Variants in ZNF320 observed in about 807,000 individuals in gnomAD.
ZNF320 encodes the protein zinc finger gene 320.
A neutral mutation model predicts 6.8 loss-of-function variants in ZNF320; 2 were observed. The observed-to-expected ratio is 0.29, with a 90% CI of 0.12 to 0.93. ZNF320 has a LOEUF of 0.93. ZNF320 is among the 40% of genes least tolerant of loss of function. The pLI is 0.55. For synonymous variants in ZNF320, 208 were observed against 203.2 expected, an observed-to-expected ratio of 1.02 and a Z score of -0.20; for missense variants, 472 against 611.0, an observed-to-expected ratio of 0.77 and a Z score of 2.40.
At chr19:52,893,566 G>T (rs1274021647) in intron 2 of ZNF320, 3 of 152,114 alleles carry the variant, frequency 2.0e-5, no homozygotes, top group Non-Finnish European at 2.9e-5. Context: ...AGAATCACTT[G>T]AACTCGGGAG....
rs2064278975 is a variant in ZNF320, at chr19:52,891,232, T to C, written c.-77A>G. The C allele has an allele frequency of 6.6e-6, 1 of 152,034 alleles. No homozygotes were observed. The highest frequency in any genetic ancestry group is 1.9e-4 in the East Asian group (1 of 5,190). The allele number at this position is 152,034 out of a possible 1,614,324, so 9.4% of individuals were successfully genotyped here. ...TATGGTGGCGGGTGGCACGCACCTG[T>C]ATCTCAGCTACTTGGTAGGCTGAGG... On this transcript the variant is annotated 5_prime_UTR_variant, in exon 3 of 6. In the 5' UTR this introduces an upstream ATG that the reference lacks. Coordinates refer to ENST00000682928, the MANE Select transcript of ZNF320 (RefSeq NM_001351774.2).
At chr19:52,863,320 C>T (rs181608608) in exon 6 of ZNF320, among the ~76,000 whole-genome samples, 57 of 152,238 alleles carry the variant, frequency 3.7e-4, no homozygotes, top group African/African-American at 1.3e-3. Context: ...ATGGGAAGGT[C>T]GGGCATGGTG....
At chr19:52,869,274 G>A (rs563666499) in intron 5 of ZNF320, among the ~76,000 whole-genome samples, 1 of 152,294 alleles carries the variant, frequency 6.6e-6, no homozygotes, top group Admixed American at 6.5e-5. Flanking sequence ...GGTGGCCTAA[G>A]GTGAAAGCAG....
upstream of ZNF320, among the ~76,000 whole-genome samples, chr19:52,902,676 G>A (rs1175966401): frequency 6.6e-6 from 1 of 152,110 alleles, no homozygotes; most frequent in Non-Finnish European, 1.5e-5. Context: ...TACCAGATAA[G>A]CTAAATTTTA....
At chr19:52,901,297 C>G (rs1277769561), upstream of ZNF320, among the ~76,000 whole-genome samples, 2 of 152,120 alleles carry the variant, frequency 1.3e-5, no homozygotes, top group African/African-American at 4.8e-5. Flanking sequence ...ATACTGGAAA[C>G]AGTTCTTTGT....
downstream of ZNF320, among the ~76,000 whole-genome samples, chr19:52,875,308 G>A (rs1452681881): frequency 6.6e-6 from 1 of 152,178 alleles, no homozygotes; most frequent in Admixed American, 6.6e-5. Flanking sequence ...TCCCAGCAGA[G>A]AGCTGAGGAG....
chr19:52,898,463 C>T (rs1002566328), upstream of ZNF320, among the ~76,000 whole-genome samples: 3 of 152,178 alleles, frequency 2.0e-5, no homozygotes, highest in African/African-American at 7.2e-5. Context: ...CCCAGAGCTC[C>T]TTCCTCCGCC....
chr19:52,861,004 AAAAC>A (rs142015174), exon 6 of ZNF320, among the ~76,000 whole-genome samples: 63,511 of 150,406 alleles, frequency 0.42, 13,557 homozygotes, highest in South Asian at 0.47. Flanking sequence ...GATTCCGTCA[AAAAC>A]AAACAAACAA....
chr19:52,866,495 G>C (rs2063575199), intron 5 of ZNF320, among the ~76,000 whole-genome samples: 1 of 151,968 alleles, frequency 6.6e-6, no homozygotes, highest in African/African-American at 2.4e-5. Context: ...GCTCCAAGGA[G>C]GATGAAAAAC....
rs986536208 is a variant in ZNF320, at chr19:52,878,050, C to T, written c.*2546G>A. ...TACATTCTCAATAAAACATGTCCAACTCTCCAGATAGTGGTGACATTTTCA... is the reference window on the plus strand; with the variant it reads ...TACATTCTCAATAAAACATGTCCAATTCTCCAGATAGTGGTGACATTTTCA... On this transcript the variant is annotated 3_prime_UTR_variant, in exon 6 of 6. Coordinates refer to ENST00000682928, the MANE Select transcript of ZNF320 (RefSeq NM_001351774.2). The T allele has an allele frequency of 1.7e-5, 3 of 172,896 alleles. No individual in the cohort carries two copies. The highest frequency in any genetic ancestry group is 3.8e-5 in the Non-Finnish European group (3 of 78,368). The allele number at this position is 172,896 out of a possible 1,614,324, so 10.7% of individuals were successfully genotyped here.
chr19:52,881,275 C>T lies in ZNF320; in HGVS notation c.851G>A (p.Arg284Gln), dbSNP rs767983454. Residue 284 changes from arginine to glutamine, a missense_variant, in exon 6 of 6, where the codon CGA (arginine) becomes CAA (glutamine). Arg to Gln is a conservative substitution (Grantham distance 43). This residue lies in a region of ZNF320 where 462 missense variants were observed against 559.7 expected (regional missense o/e 0.83). Coordinates refer to ENST00000682928, the MANE Select transcript of ZNF320 (RefSeq NM_001351774.2). ...KCNECGKTFA[R>Q]NSVLVIHKAV... ...CTTATGAATTACGAGGACTGAATTTCGAGCGAAGGTCTTGCCACACTCATT... is the reference window on the plus strand; with the variant it reads ...CTTATGAATTACGAGGACTGAATTTTGAGCGAAGGTCTTGCCACACTCATT... 30 of 1,613,746 alleles carry T rather than the reference C, an allele frequency of 1.9e-5. No individual in the cohort carries two copies. Among genetic ancestry groups the T allele is most frequent in the African/African-American group, 2.7e-5 (2 of 74,788 alleles).
chr19:52,865,903 GATTAT>G (rs1568693589), intron 5 of ZNF320, among the ~76,000 whole-genome samples: 6 of 55,902 alleles, frequency 1.1e-4, no homozygotes, highest in Non-Finnish European at 1.8e-4. Context: ...TTATATATAT[GATTAT>G]ACACATATAT....
chr19:52,868,255 C>T (rs1038034858), intron 5 of ZNF320, among the ~76,000 whole-genome samples: 4 of 151,922 alleles, frequency 2.6e-5, no homozygotes, highest in Non-Finnish European at 5.9e-5. Flanking sequence ...GCTTGTAATC[C>T]CAACACTTTG....
At position 52,865,468 on chromosome 19, in the gene ZNF320, T is replaced by TTAC. The variant is rs1568692679; in HGVS notation, c.224-1310_224-1309insGTA. Reference sequence around the variant, plus strand: ...TATATATATGTAATACATATATATATATTACATATATATATAATACATATA... The same window carrying TTAC: ...TATATATATGTAATACATATATATATTACATTACATATATATATAATACATATA... On this transcript the variant is annotated intron_variant, in intron 5 of 5. Coordinates refer to the ZNF320 transcript ENST00000673631. 84 of 42,208 alleles carry TTAC rather than the reference T, an allele frequency of 2.0e-3. 4 individuals carry two copies. The highest frequency in any genetic ancestry group is 7.4e-3 in the African/African-American group (81 of 11,020). 2.6% of individuals were successfully genotyped at this position (42,208 alleles called of 1,614,324 possible).
In ZNF320 at chr19:52,890,309, A is replaced by G. The variant is rs1287229207; in HGVS notation, c.-54T>C. 11 of 1,589,844 alleles carry G rather than the reference A, an allele frequency of 6.9e-6. No homozygotes were observed. The East Asian group carries it at 2.2e-4, about 32-fold the overall frequency. ...TTCTGGGTTTCTTCCTCAGGTACCAAGAGTCTTTAGAAGTCAATCCTAAAT... is the reference window on the plus strand; with the variant it reads ...TTCTGGGTTTCTTCCTCAGGTACCAGGAGTCTTTAGAAGTCAATCCTAAAT... On this transcript the variant is annotated 5_prime_UTR_variant, in exon 4 of 6. Coordinates refer to ENST00000682928, the MANE Select transcript of ZNF320 (RefSeq NM_001351774.2).
rs1333199494 is a variant in ZNF320, at chr19:52,879,866, A to T, written c.*730T>A. On this transcript the variant is annotated 3_prime_UTR_variant, in exon 6 of 6. Transcript: ENST00000682928. Reference sequence around the variant, plus strand: ...AAAGAACTTAAAGTAAGAAATACTTAGGAATAAATGAAAAAAGTTGAGAAG... The same window carrying T: ...AAAGAACTTAAAGTAAGAAATACTTTGGAATAAATGAAAAAAGTTGAGAAG... 1.3e-5 allele frequency: 2 copies of T among 152,254 alleles called. No homozygotes were observed. Among genetic ancestry groups the T allele is most frequent in the African/African-American group, 4.8e-5 (2 of 41,480 alleles). 9.4% of individuals were successfully genotyped at this position (152,254 alleles called of 1,614,324 possible). A position where few individuals can be genotyped will look rare whatever the true frequency, so the allele number is the denominator to read the frequency against.
At chr19:52,860,285 A>T (rs1412954973), downstream of ZNF320, among the ~76,000 whole-genome samples, 2 of 151,628 alleles carry the variant, frequency 1.3e-5, no homozygotes, top group Non-Finnish European at 2.9e-5. Flanking sequence ...GTCTAACAAA[A>T]CTTATTATTT....
intron 2 of ZNF320, among the ~76,000 whole-genome samples, chr19:52,892,950 C>T (rs1392240289): frequency 6.6e-6 from 1 of 151,976 alleles, no homozygotes; most frequent in African/African-American, 2.4e-5. Context: ...TCTCTCTGTA[C>T]ATCTAGCTTT....
exon 6 of ZNF320, among the ~76,000 whole-genome samples, chr19:52,861,483 T>A (rs534096878): frequency 6.6e-6 from 1 of 152,270 alleles, no homozygotes; most frequent in African/African-American, 2.4e-5. Context: ...TCAGATTGTG[T>A]TAAAGAAACA....
Sources: gnomAD v4.1 joint callset for allele counts (sites outside exome capture counted in the v4.1 genomes callset) on GRCh38, gnomAD v4.1.1 for gene constraint, gnomAD v4.1.1 regional missense constraint, MANE v1.5 for transcripts, NCBI Gene and HGNC (gene_info 2026-07-23, HGNC 2026-07-21) for gene names.